Variants in LRP6 observed in about 807,000 individuals in gnomAD.
LRP6 encodes the protein LDL receptor related protein 6, also known as low-density lipoprotein receptor-related protein 6.
In LRP6, 43 loss-of-function variants were observed where a neutral mutation model predicts 184.1. That is an observed-to-expected ratio of 0.23 (90% CI 0.18 to 0.30). LRP6 has a LOEUF of 0.30. Ranked by LOEUF, LRP6 falls within the 10% of genes least tolerant of loss-of-function variation. The pLI, the probability that LRP6 is intolerant of heterozygous loss-of-function variation, is 1.00. For missense variants in LRP6, 1,571 were observed against 2,005.3 expected, an observed-to-expected ratio of 0.78 and a Z score of 4.14; for synonymous variants, 719 against 684.9, an observed-to-expected ratio of 1.05 and a Z score of -0.78.
At chr12:12,254,643 C>A (rs981081063) in intron 1 of LRP6, among the ~76,000 whole-genome samples, 1 of 152,216 alleles carries the variant, frequency 6.6e-6, no homozygotes, top group Non-Finnish European at 1.5e-5. Context: ...ATTACTTATG[C>A]AACCAAGGCT....
chr12:12,230,435 G>A (rs1029411114), intron 2 of LRP6, among the ~76,000 whole-genome samples: 6 of 151,892 alleles, frequency 4.0e-5, no homozygotes, highest in African/African-American at 1.5e-4. Context: ...AGACTAAAGG[G>A]ATGAAATTTC....
intron 2 of LRP6, among the ~76,000 whole-genome samples, chr12:12,220,115 C>T (rs907163171): frequency 6.6e-6 from 1 of 152,176 alleles, no homozygotes; most frequent in Admixed American, 6.6e-5. Flanking sequence ...TGGTAAAACC[C>T]TGTCTCTACT....
intron 1 of LRP6, chr12:12,249,471 C>G (rs908724642): frequency 4.4e-6 from 3 of 679,390 alleles, no homozygotes; most frequent in Non-Finnish European, 7.8e-6. Flanking sequence ...AGCAATTAAT[C>G]GAAAAGAAAA....
At chr12:12,150,801 A>C in intron 13 of LRP6, 35 bp downstream of exon 13, 1 of 1,607,938 alleles carries the variant, frequency 6.2e-7, no homozygotes, top group Non-Finnish European at 8.5e-7. Flanking sequence ...GTTATTAGTC[A>C]GGAGAAATGA....
chr12:12,193,266 GAAGA>G, intron 3 of LRP6, among the ~76,000 whole-genome samples: 1 of 151,330 alleles, frequency 6.6e-6, no homozygotes, highest in South Asian at 2.1e-4. Flanking sequence ...TACTAGAAAA[GAAGA>G]GAGATTACAA....
chr12:12,258,477 G>A (rs373157126), intron 1 of LRP6, among the ~76,000 whole-genome samples: 1 of 151,978 alleles, frequency 6.6e-6, no homozygotes, highest in East Asian at 1.9e-4. Context: ...AACACAAAAT[G>A]GCATTCCAAA....
chr12:12,226,482 G>A (rs183327089), intron 2 of LRP6, among the ~76,000 whole-genome samples: 2 of 152,208 alleles, frequency 1.3e-5, no homozygotes, highest in Admixed American at 1.3e-4. Context: ...GTAAGCAAGG[G>A]GAAAAATCAA....
intron 12 of LRP6, among the ~76,000 whole-genome samples, chr12:12,153,466 G>A (rs1950108585): frequency 6.6e-6 from 1 of 152,130 alleles, no homozygotes; most frequent in African/African-American, 2.4e-5. Context: ...CCTTCAATAA[G>A]ATTCCACAAT....
chr12:12,251,285 CA>C (rs1865319476), intron 1 of LRP6, among the ~76,000 whole-genome samples: 1 of 152,126 alleles, frequency 6.6e-6, no homozygotes, highest in South Asian at 2.1e-4. Flanking sequence ...AAGTGCTTAT[CA>C]AATATTATAG....
At chr12:12,192,471 C>A (rs1047176632) in intron 3 of LRP6, among the ~76,000 whole-genome samples, 5 of 150,948 alleles carry the variant, frequency 3.3e-5, no homozygotes, top group African/African-American at 1.2e-4. Context: ...AATCAAAAGG[C>A]AAAGGCTGTT....
At chr12:12,156,846 T>C (rs924044047) in intron 12 of LRP6, among the ~76,000 whole-genome samples, 3 of 152,260 alleles carry the variant, frequency 2.0e-5, no homozygotes, top group South Asian at 2.1e-4. Flanking sequence ...CAGAGTTGCA[T>C]AGTTTACCAA....
intron 7 of LRP6, among the ~76,000 whole-genome samples, chr12:12,168,115 C>T (rs368019269): frequency 4.6e-5 from 7 of 152,182 alleles, no homozygotes; most frequent in Non-Finnish European, 7.4e-5. Context: ...AGACCCCTAA[C>T]TCACCTCCCC....
intron 3 of LRP6, among the ~76,000 whole-genome samples, chr12:12,188,986 C>G (rs1863546277): frequency 2.6e-5 from 4 of 152,068 alleles, no homozygotes; most frequent in Admixed American, 1.3e-4. Flanking sequence ...CTTGGCATTT[C>G]ACCATCTTAA....
intron 4 of LRP6, among the ~76,000 whole-genome samples, chr12:12,184,345 T>C (rs1008291625): frequency 6.6e-6 from 1 of 151,810 alleles, no homozygotes; most frequent in Non-Finnish European, 1.5e-5. Flanking sequence ...CTAAAAGAGG[T>C]TACAATTTAG....
chr12:12,199,224 T>C (rs1863850219), intron 3 of LRP6, among the ~76,000 whole-genome samples: 1 of 152,044 alleles, frequency 6.6e-6, no homozygotes, highest in Non-Finnish European at 1.5e-5. Context: ...TTTTGTCATA[T>C]AGCATGAACA....
rs1950040130 is a variant in LRP6, at chr12:12,148,522, T to C, written c.3206+420A>G. ...TCTCATCATAAAGAAAACTGATGTC[T>C]AGTGGTAAATACAAGACTAAAAAAT... is the stretch of plus-strand genomic sequence containing the variant. On this transcript the variant is annotated intron_variant, in intron 14 of 22. Coordinates refer to ENST00000261349, the MANE Select transcript of LRP6 (RefSeq NM_002336.3). 3.3e-5 allele frequency among the ~76,000 whole-genome samples: 5 copies of C among 152,176 alleles called. No homozygotes were observed. The South Asian group carries it at 1.0e-3, about 32-fold the overall frequency.
In LRP6 at chr12:12,162,289, C is replaced by A. The variant is rs770922584; in HGVS notation, c.2183G>T (p.Arg728Leu). Residue 728 changes from arginine to leucine, a missense_variant, in exon 10 of 23, where the codon CGA (arginine) becomes CTA (leucine). Arg to Leu is a moderately radical substitution (Grantham distance 102). Coordinates refer to ENST00000261349, the MANE Select transcript of LRP6 (RefSeq NM_002336.3). ...NLYWADTGTN[R>L]IEVSKLDGQH... ...CCCATCCAACTTTGACACCTCAATT[C>A]GATTCGTTCCTGTGTCTGCCCAGTA... The A allele has an allele frequency of 6.2e-7, 1 of 1,614,156 alleles. No homozygotes were observed. Among genetic ancestry groups the A allele is most frequent in the Non-Finnish European group, 8.5e-7 (1 of 1,180,024 alleles).
At chr12:12,126,481 A>G (rs1949672944) in intron 20 of LRP6, among the ~76,000 whole-genome samples, 8 of 152,226 alleles carry the variant, frequency 5.3e-5, no homozygotes, top group Admixed American at 5.2e-4. Context: ...TTTGCTTTAT[A>G]TGCTTTGACA....
chr12:12,240,634 G>A (rs1434993968), intron 2 of LRP6, among the ~76,000 whole-genome samples: 11 of 151,792 alleles, frequency 7.2e-5, no homozygotes, highest in Admixed American at 7.2e-4. Flanking sequence ...ATCATTCAAA[G>A]CTGTTTAATA....
Sources: gnomAD v4.1 joint callset for allele counts (sites outside exome capture counted in the v4.1 genomes callset) on GRCh38, gnomAD v4.1.1 for gene constraint, MANE v1.5 for transcripts, NCBI Gene and HGNC (gene_info 2026-07-23, HGNC 2026-07-21) for gene names.